Variants in FARSB observed in about 807,000 individuals in gnomAD.
FARSB encodes the protein phenylalanine--tRNA ligase beta subunit.
In FARSB, 40 loss-of-function variants were observed where a neutral mutation model predicts 69.6. The ratio of observed to expected loss-of-function variants is 0.57; its 90% confidence interval spans 0.45 to 0.75. The LOEUF (loss-of-function observed/expected upper bound fraction) is 0.75, where lower values mean the gene tolerates loss of function less well. FARSB is among the 30% of genes least tolerant of loss of function. The pLI, the probability that FARSB is intolerant of heterozygous loss-of-function variation, is 0.00. For synonymous variants in FARSB, 235 were observed against 247.2 expected (o/e 0.95, Z 0.46); for missense variants, 632 against 722.9 (o/e 0.87, Z 1.44).
intron 7 of FARSB, among the ~76,000 whole-genome samples, chr2:222,632,867 C>A (rs539377552): frequency 6.4e-4 from 97 of 150,508 alleles, no homozygotes; most frequent in African/African-American, 2.3e-3. Flanking sequence ...AGAAAAAAAA[C>A]TACAGACATG....
chr2:222,601,468 A>G (rs1379327345), intron 15 of FARSB, among the ~76,000 whole-genome samples: 1 of 152,006 alleles, frequency 6.6e-6, no homozygotes, highest in East Asian at 1.9e-4. Context: ...AACTACATAA[A>G]TATAGCCATA....
chr2:222,626,324 A>G (rs1691275213), intron 10 of FARSB, among the ~76,000 whole-genome samples: 2 of 151,932 alleles, frequency 1.3e-5, no homozygotes, highest in Admixed American at 1.3e-4. Flanking sequence ...ATTCCAAAGT[A>G]CACACCATTA....
chr2:222,611,002 T>C (rs1690835211), intron 15 of FARSB, among the ~76,000 whole-genome samples: 1 of 152,104 alleles, frequency 6.6e-6, no homozygotes, highest in Admixed American at 6.5e-5. Flanking sequence ...AGGGAATCCA[T>C]ATGTACATTT....
rs10194461 is a variant in FARSB, at chr2:222,653,160, A to G, written c.58+2856T>C. 3.1e-3 allele frequency among the ~76,000 whole-genome samples: 472 copies of G among 152,344 alleles called. 2 individuals are homozygous for G. Among genetic ancestry groups the G allele is most frequent in the African/African-American group, 0.011 (461 of 41,582 alleles). ...AGAAAAGGAGTGGCAAGAGGAAACCATCTGCACAGAAAGTCCGTTGAAAAG... is the reference window on the plus strand; with the variant it reads ...AGAAAAGGAGTGGCAAGAGGAAACCGTCTGCACAGAAAGTCCGTTGAAAAG... On this transcript the variant is annotated intron_variant, in intron 1 of 16. Transcript: ENST00000281828.
At chr2:222,580,471 G>T (rs1689938203) in intron 16 of FARSB, among the ~76,000 whole-genome samples, 2 of 150,138 alleles carry the variant, frequency 1.3e-5, no homozygotes, top group African/African-American at 4.9e-5. Flanking sequence ...AACTAGCCTG[G>T]GCAACATAGT....
intron 5 of FARSB, 42 bp from the exon 6 acceptor site, chr2:222,634,583 AAGG>A (rs1168863121): frequency 1.3e-6 from 2 of 1,517,770 alleles, no homozygotes; most frequent in African/African-American, 1.4e-5. Context: ...GAGGAAAGGA[AAGG>A]AGGAGAATGA....
chr2:222,626,784 A>T (rs1250097547), intron 10 of FARSB, among the ~76,000 whole-genome samples: 1 of 152,218 alleles, frequency 6.6e-6, no homozygotes, highest in Non-Finnish European at 1.5e-5. Flanking sequence ...CTGTAATCCC[A>T]GCATTTTGGG....
chr2:222,611,516 T>C (rs377717069), intron 15 of FARSB, among the ~76,000 whole-genome samples: 8 of 152,064 alleles, frequency 5.3e-5, no homozygotes, highest in African/African-American at 1.7e-4. Context: ...AGTGTAAACA[T>C]AGCTTACTGT....
rs141411390 is a variant in FARSB, at chr2:222,637,961, A to G, written c.455+1619T>C. Among the ~76,000 whole-genome samples, 214 of 152,270 alleles carry G rather than the reference A, an allele frequency of 1.4e-3. 2 individuals carry two copies. In the East Asian group the frequency reaches 0.02, roughly 15 times the overall value. ...CATGCCACTGGACTCCAGCCTGGAC[A>G]ACAGAGAAAAACCCTGTCTCAAAAC... On this transcript the variant is annotated intron_variant, in intron 5 of 16. Transcript: ENST00000281828.
chr2:222,639,985 T>C (rs1691678213), intron 4 of FARSB, among the ~76,000 whole-genome samples: 2 of 152,236 alleles, frequency 1.3e-5, no homozygotes, highest in Non-Finnish European at 2.9e-5. Context: ...TTTAAAATCT[T>C]TTAAAATTTC....
At chr2:222,618,530 A>G (rs1425003290) in intron 14 of FARSB, among the ~76,000 whole-genome samples, 4 of 152,216 alleles carry the variant, frequency 2.6e-5, no homozygotes, top group Non-Finnish European at 5.9e-5. Flanking sequence ...CAAGAGAAAC[A>G]GCACAAGAGC....
chr2:222,632,061 T>C (rs1226484880), intron 7 of FARSB, among the ~76,000 whole-genome samples: 4 of 146,906 alleles, frequency 2.7e-5, no homozygotes, highest in Admixed American at 1.3e-4. Context: ...TGGCACGACA[T>C]GGTGCAATGG....
chr2:222,621,867 T>C (rs148547240), intron 13 of FARSB, among the ~76,000 whole-genome samples: 2 of 152,370 alleles, frequency 1.3e-5, no homozygotes, highest in East Asian at 1.9e-4. Flanking sequence ...ATCTTTAATG[T>C]TGAAATTCCT....
Position 222,656,074 on chromosome 2 carries a change from G to A in FARSB, c.-1C>T, listed in dbSNP as rs1249794863. On this transcript the variant is annotated 5_prime_UTR_variant, in exon 1 of 17. Transcript: ENST00000281828. The stretch of plus-strand genomic sequence containing the variant: ...CACGCTTCACGCTGACAGTCGGCAT[G>A]GTGTGTCGAACTCACTGCGCCTGCG... 4 of 1,594,732 alleles carry A rather than the reference G, an allele frequency of 2.5e-6. No homozygotes were observed. Among genetic ancestry groups the A allele is most frequent in the Middle Eastern group, 1.7e-4 (1 of 6,040 alleles).
At chr2:222,614,698 T>C (rs1338450872) in intron 14 of FARSB, among the ~76,000 whole-genome samples, 3 of 152,066 alleles carry the variant, frequency 2.0e-5, no homozygotes, top group Non-Finnish European at 4.4e-5. Context: ...AAAAATTAGC[T>C]AGGTATGGAT....
chr2:222,608,311 T>G (rs929499647), intron 15 of FARSB, among the ~76,000 whole-genome samples: 1 of 152,222 alleles, frequency 6.6e-6, no homozygotes, highest in African/African-American at 2.4e-5. Flanking sequence ...CCAGAATTAC[T>G]GGATAATTTC....
chr2:222,606,269 A>G (rs1295510046), intron 15 of FARSB, among the ~76,000 whole-genome samples: 1 of 152,170 alleles, frequency 6.6e-6, no homozygotes, highest in Non-Finnish European at 1.5e-5. Flanking sequence ...AATAACCACA[A>G]ACTTATTTCC....
intron 7 of FARSB, 94 bp from the exon 8 acceptor site, chr2:222,631,768 TG>T: frequency 1.3e-6 from 1 of 794,242 alleles, no homozygotes; most frequent in Non-Finnish European, 2.1e-6. Context: ...ACATTTTAAA[TG>T]TAAAACATAT....
At chr2:222,654,420 G>C (rs1174921265) in intron 1 of FARSB, among the ~76,000 whole-genome samples, 5 of 152,128 alleles carry the variant, frequency 3.3e-5, no homozygotes, top group Admixed American at 3.3e-4. Flanking sequence ...GTTTAGACTT[G>C]GTCCCACCCC....
Sources: gnomAD v4.1 joint callset for allele counts (sites outside exome capture counted in the v4.1 genomes callset) on GRCh38, gnomAD v4.1.1 for gene constraint, MANE v1.5 for transcripts, NCBI Gene and HGNC (gene_info 2026-07-23, HGNC 2026-07-21) for gene names.